The following CA12 variants were observed in gnomAD, a reference collection of about 807,000 sequenced individuals.
The protein encoded by CA12 is carbonic anhydrase 12.
In CA12, 36 loss-of-function variants were observed where a neutral mutation model predicts 46.8. The ratio of observed to expected loss-of-function variants is 0.77; its 90% CI spans 0.59 to 1.02. The LOEUF is 1.02. Among genes scored for constraint, CA12 ranks in the 50% least tolerant of loss-of-function variants. The pLI is 0.00. For missense variants in CA12, 436 were observed against 451.4 expected (o/e 0.97, Z 0.31); for synonymous variants, 202 against 187.0 (o/e 1.08, Z -0.65).
At chr15:63,380,404 A>G (rs1036833466) in intron 1 of CA12, among the ~76,000 whole-genome samples, 1 of 152,226 alleles carries the variant, frequency 6.6e-6, no homozygotes, top group African/African-American at 2.4e-5. Flanking sequence ...GCTATAGGAA[A>G]GAGGGCCAAC....
chr15:63,364,230 A>G (rs555803597), intron 2 of CA12, among the ~76,000 whole-genome samples: 33 of 144,790 alleles, frequency 2.3e-4, no homozygotes, highest in East Asian at 8.5e-4. Context: ...GATGGCTCAC[A>G]ATCTTAGAGC....
chr15:63,334,037 AG>A (rs1281928917), intron 8 of CA12, among the ~76,000 whole-genome samples: 2 of 152,102 alleles, frequency 1.3e-5, no homozygotes, highest in African/African-American at 4.8e-5. Context: ...GTGAACTCAA[AG>A]GAACCAAGAA....
intron 2 of CA12, 119 bp from the exon 3 acceptor site, chr15:63,346,828 T>A (rs1299255478): frequency 1.7e-6 from 2 of 1,166,152 alleles, no homozygotes; most frequent in Non-Finnish European, 2.5e-6. Flanking sequence ...TCCCCGGAGG[T>A]AAATCTTCAA....
chr15:63,379,884 C>T (rs961666386), intron 1 of CA12, among the ~76,000 whole-genome samples: 2 of 152,226 alleles, frequency 1.3e-5, no homozygotes, highest in Admixed American at 1.3e-4. Flanking sequence ...CCAAGGGTTT[C>T]TCCAGAAGAC....
At chr15:63,376,600 T>TTCTTTCTTTCTTTC (rs10623502) in intron 1 of CA12, among the ~76,000 whole-genome samples, 7,535 of 133,482 alleles carry the variant, frequency 0.056, 311 homozygotes, top group East Asian at 0.11. Context: ...CTTTCTTTCT[T>TTCTTTCTTTCTTTC]TCTCTCTCTC....
At chr15:63,364,345 A>AAAAC (rs1555431585) in intron 2 of CA12, among the ~76,000 whole-genome samples, 2 of 149,182 alleles carry the variant, frequency 1.3e-5, no homozygotes, top group African/African-American at 4.9e-5. Flanking sequence ...AAAAAAAAAA[A>AAAAC]AAAAAAAAAA....
At chr15:63,335,375 T>C (rs2038988224) in intron 8 of CA12, among the ~76,000 whole-genome samples, 1 of 152,144 alleles carries the variant, frequency 6.6e-6, no homozygotes, top group African/African-American at 2.4e-5. Context: ...GTTAAATGAT[T>C]CGGTCCAAAT....
At chr15:63,333,898 G>A (rs1469484507) in intron 8 of CA12, among the ~76,000 whole-genome samples, 1 of 152,138 alleles carries the variant, frequency 6.6e-6, no homozygotes, top group Non-Finnish European at 1.5e-5. Context: ...GCTTCCTTTT[G>A]TCCCTCAAGT....
In CA12 at chr15:63,340,524, C is replaced by A; in HGVS notation, c.590-79G>T. On this transcript the variant is annotated intron_variant, in intron 6 of 10. Coordinates refer to ENST00000178638, the MANE Select transcript of CA12 (RefSeq NM_001218.5). The surrounding 1 kb of genome is among the most constrained non-coding windows in gnomAD (Gnocchi z 4.4). ...AGTGCAGCTGAACAGAGCGACTGAG[C>A]CTAGAAACATGAACTAGCCCCTTTC... The A allele has an allele frequency of 1.3e-6, 2 of 1,580,034 alleles. No homozygotes were observed. The highest frequency in any genetic ancestry group is 1.7e-5 in the Admixed American group (1 of 59,938).
chr15:63,350,962 C>G (rs2152619881), intron 2 of CA12, among the ~76,000 whole-genome samples: 1 of 152,288 alleles, frequency 6.6e-6, no homozygotes, highest in African/African-American at 2.4e-5. Context: ...CTCTTAAAAC[C>G]ACAGTACCAT....
At position 63,348,472 on chromosome 15, in the gene CA12, G is replaced by A. The variant is rs569821831; in HGVS notation, c.107-1763C>T. ...GAATGAAGCAACCGTGAGGCCTCAT[G>A]TAGAACCCCAGGGTCAGGAAGAGAC... is the stretch of plus-strand genomic sequence containing the variant. On this transcript the variant is annotated intron_variant, in intron 2 of 10. Transcript: ENST00000178638. The surrounding 1 kb of genome is among the most constrained non-coding windows in gnomAD (Gnocchi z 4.6). Among the ~76,000 whole-genome samples the A allele has an allele frequency of 6.6e-6, 1 of 152,312 alleles. No individual in the cohort carries two copies. Among genetic ancestry groups the A allele is most frequent in the Admixed American group, 6.5e-5 (1 of 15,302 alleles).
At chr15:63,366,975 G>A (rs1052522156) in intron 2 of CA12, among the ~76,000 whole-genome samples, 13 of 152,178 alleles carry the variant, frequency 8.5e-5, no homozygotes, top group Non-Finnish European at 1.2e-4. Flanking sequence ...AGACTGGAGT[G>A]CAGTGGTATG....
chr15:63,327,176 AC>A lies in CA12; in HGVS notation c.964del (p.Val322CysfsTer121). The A allele has an allele frequency of 6.2e-7, 1 of 1,613,926 alleles. No individual in the cohort carries two copies. The highest frequency in any genetic ancestry group is 8.5e-7 in the Non-Finnish European group (1 of 1,179,844). ...GILGICIVVV[V>X]SIWLFRRKSI... ...CTTCCTTCTGAAAAGCCAAATGGAC[AC>A]CACCACCACAATACAGATGCCAAGA... is the stretch of plus-strand genomic sequence containing the variant. On this transcript the variant is annotated frameshift_variant, in exon 10 of 11. Coordinates refer to ENST00000178638, the MANE Select transcript of CA12 (RefSeq NM_001218.5). LOFTEE classifies it high-confidence loss of function. This position sits in a 1 kb window ranked among gnomAD's most constrained non-coding sequence, Gnocchi z 4.5.
chr15:63,343,556 T>G (rs2039109293), intron 4 of CA12, among the ~76,000 whole-genome samples: 1 of 152,078 alleles, frequency 6.6e-6, no homozygotes, highest in Non-Finnish European at 1.5e-5. Flanking sequence ...GCTGGGATTA[T>G]AGGTGTGAGC....
rs2039519499 is a variant in CA12 at position 63,372,474 on chromosome 15, CT to C, written c.106+3183del. Among the ~76,000 whole-genome samples the C allele has an allele frequency of 2.0e-5, 3 of 152,160 alleles. No individual in the cohort carries two copies. The South Asian group carries it at 6.2e-4, about 31-fold the overall frequency. On this transcript the variant is annotated intron_variant, in intron 2 of 10. Transcript: ENST00000178638. The surrounding 1 kb of genome is among the most constrained non-coding windows in gnomAD (Gnocchi z 4.5). Reference sequence around the variant, plus strand: ...TATGAGGATGTAGGGGTAGAACTCCCTTTTTTGTACTTCTAAAAGTCCTACC... The same window carrying C: ...TATGAGGATGTAGGGGTAGAACTCCCTTTTTGTACTTCTAAAAGTCCTACC...
rs146830270 is a variant in CA12, at chr15:63,346,675, G to C, written c.141C>G (p.Tyr47Ter). Residue 47 changes from tyrosine (Y) to a stop codon, truncating the protein, a stop_gained, in exon 3 of 11, where the codon TAC (tyrosine) becomes TAG (stop). Transcript: ENST00000178638. LOFTEE classifies it high-confidence loss of function. ...ACTGCAGCAGGCCCCCACACGACGG[G>C]TACTTCTTGGACCAGCTATTCTCCC... is the stretch of plus-strand genomic sequence containing the variant. ...PDGENSWSKK[Y>*]PSCGGLLQSP... is the part of the protein sequence containing the mutation. 6.2e-7 allele frequency: 1 copy of C among 1,614,030 alleles called. No individual in the cohort carries two copies. Among genetic ancestry groups the C allele is most frequent in the African/African-American group, 1.3e-5 (1 of 74,906 alleles).
intron 8 of CA12, among the ~76,000 whole-genome samples, chr15:63,335,376 C>A (rs544068849): frequency 6.6e-6 from 1 of 152,074 alleles, no homozygotes; most frequent in African/African-American, 2.4e-5. Flanking sequence ...TTAAATGATT[C>A]GGTCCAAATT....
rs565652096 is a variant in CA12 at position 63,365,824 on chromosome 15, T to C, written c.106+9834A>G. Among the ~76,000 whole-genome samples, 226 of 152,222 alleles carry C rather than the reference T, an allele frequency of 1.5e-3. 1 individual carries two copies. Among genetic ancestry groups the C allele is most frequent in the African/African-American group, 5.2e-3 (218 of 41,534 alleles). On this transcript the variant is annotated intron_variant, in intron 2 of 10. Coordinates refer to ENST00000178638, the MANE Select transcript of CA12 (RefSeq NM_001218.5). ...ATTCTCCTAAAATGCTAATCCCAGT[T>C]TGTCAGTGTTCTACTTAGAAGGTCC...
chr15:63,332,052 C>T lies in CA12; in HGVS notation c.875-3922G>A, dbSNP rs754199142. 3.0e-4 allele frequency among the ~76,000 whole-genome samples: 45 copies of T among 152,142 alleles called. 1 individual carries two copies. Among genetic ancestry groups the T allele is most frequent in the South Asian group, 2.1e-4 (1 of 4,832 alleles). Reference sequence around the variant, plus strand: ...CATGTTACGTAGCGATATCCTTAGCCGTCTCCAGCCTTGTAAAAGAGGTCA... The same window carrying T: ...CATGTTACGTAGCGATATCCTTAGCTGTCTCCAGCCTTGTAAAAGAGGTCA... On this transcript the variant is annotated intron_variant, in intron 8 of 10. Coordinates refer to ENST00000178638, the MANE Select transcript of CA12 (RefSeq NM_001218.5).
Sources: gnomAD v4.1 joint callset for allele counts (sites outside exome capture counted in the v4.1 genomes callset) on GRCh38, gnomAD v4.1.1 for gene constraint, Gnocchi (gnomAD v3.1) non-coding constraint, MANE v1.5 for transcripts, NCBI Gene and HGNC (gene_info 2026-07-23, HGNC 2026-07-21) for gene names.